Variants in AMBRA1 observed in about 807,000 individuals in gnomAD.
AMBRA1 encodes autophagy and beclin 1 regulator 1, also known as activating molecule in BECN1-regulated autophagy protein 1.
Under a neutral mutation model 125.4 loss-of-function variants are expected in AMBRA1, and 47 were observed. The observed-to-expected ratio is 0.37, with a 90% confidence interval of 0.30 to 0.48. AMBRA1 has a LOEUF of 0.48. Among genes scored for constraint, AMBRA1 ranks in the 20% least tolerant of loss-of-function variants. The probability of loss-of-function intolerance (pLI) is 0.99; values close to 1 mark genes in which losing one functional copy is unlikely to be tolerated. For synonymous variants in AMBRA1, 626 were observed against 655.5 expected, an observed-to-expected ratio of 0.95 and a Z score of 0.69; for missense variants, 1,331 against 1,693.4, an observed-to-expected ratio of 0.79 and a Z score of 3.76.
chr11:46,398,691 T>A (rs1285639625), intron 17 of AMBRA1, among the ~76,000 whole-genome samples: 2 of 152,084 alleles, frequency 1.3e-5, no homozygotes, highest in Non-Finnish European at 2.9e-5. Flanking sequence ...TTAACCAGGA[T>A]GTTCTTGATC....
At chr11:46,534,220 C>A (rs1306344603) in intron 7 of AMBRA1, among the ~76,000 whole-genome samples, 1 of 150,860 alleles carries the variant, frequency 6.6e-6, no homozygotes, top group Non-Finnish European at 1.5e-5. Flanking sequence ...CAGCCAGGTG[C>A]GGTGGCTCAG....
At chr11:46,568,521 C>T (rs938279454) in intron 1 of AMBRA1, among the ~76,000 whole-genome samples, 5 of 151,862 alleles carry the variant, frequency 3.3e-5, no homozygotes, top group African/African-American at 4.8e-5. Flanking sequence ...GCCTGTAATC[C>T]CACCACTTTG....
At chr11:46,434,340 AACAC>A (rs1947608179) in intron 13 of AMBRA1, among the ~76,000 whole-genome samples, 1 of 151,998 alleles carries the variant, frequency 6.6e-6, no homozygotes, top group East Asian at 1.9e-4. Context: ...AAAAACAAAA[AACAC>A]TTAAATTCAA....
At chr11:46,471,778 T>G (rs375334640) in intron 11 of AMBRA1, among the ~76,000 whole-genome samples, 1 of 151,500 alleles carries the variant, frequency 6.6e-6, no homozygotes, top group Non-Finnish European at 1.5e-5. Context: ...CAGGCACGCG[T>G]CACCATGCCC....
intron 11 of AMBRA1, among the ~76,000 whole-genome samples, chr11:46,472,429 A>G (rs1480240039): frequency 6.6e-6 from 1 of 152,198 alleles, no homozygotes; most frequent in East Asian, 1.9e-4. Context: ...GACTACAGAT[A>G]ATATCTTTTT....
rs552615050 is a variant in AMBRA1, at chr11:46,419,952, G to A, written c.2977-1900C>T. Among the ~76,000 whole-genome samples the A allele has an allele frequency of 3.6e-3, 471 of 129,844 alleles. 7 individuals carry two copies. The highest frequency in any genetic ancestry group is 0.013 in the African/African-American group (457 of 34,100). The allele number at this position is 129,844 out of a possible 152,430, so 85.2% of individuals were successfully genotyped here. A position where few individuals can be genotyped will look rare whatever the true frequency, so the allele number is the denominator to read the frequency against. On this transcript the variant is annotated intron_variant, in intron 14 of 17. Coordinates refer to ENST00000683756, the MANE Select transcript of AMBRA1 (RefSeq NM_001387011.1). ...GTACGTATCTGAAAGGCCTCTGACA[G>A]GACAGCCTCCAGAATGGAAAAGACA...
chr11:46,504,641 G>C (rs977977980), intron 9 of AMBRA1: 4 of 152,202 alleles, frequency 2.6e-5, no homozygotes, highest in Non-Finnish European at 5.9e-5. Context: ...GGCAGGAGAG[G>C]AAGCCTGCCC....
At position 46,428,048 on chromosome 11, in the gene AMBRA1, C is replaced by T. The variant is rs1363876200; in HGVS notation, c.2976+5426G>A. ...AAAAAAAAAGTAACAAATATGCTTT[C>T]CTTCCCTGCTGCCTGGGACCTGTTT... On this transcript the variant is annotated intron_variant, in intron 14 of 17. Coordinates refer to ENST00000683756, the MANE Select transcript of AMBRA1 (RefSeq NM_001387011.1). Among the ~76,000 whole-genome samples, 11 of 150,314 alleles carry T rather than the reference C, an allele frequency of 7.3e-5. No homozygotes were observed. In the East Asian group the frequency reaches 2.1e-3, roughly 29 times the overall value.
chr11:46,558,548 CAAAAAAA>C (rs58748629), intron 1 of AMBRA1, among the ~76,000 whole-genome samples: 170 of 38,734 alleles, frequency 4.4e-3, no homozygotes, highest in Admixed American at 0.012. Context: ...GACTCCCTCT[CAAAAAAA>C]AAAAAAAAAA....
At chr11:46,482,940 C>A (rs140828830) in intron 11 of AMBRA1, among the ~76,000 whole-genome samples, 2 of 148,404 alleles carry the variant, frequency 1.3e-5, no homozygotes, top group African/African-American at 5.0e-5. Flanking sequence ...ACCTGGGAGG[C>A]GGAGGTTGCA....
intron 7 of AMBRA1, among the ~76,000 whole-genome samples, 185 bp downstream of exon 7, chr11:46,541,760 T>C (rs1419919363): frequency 6.6e-6 from 1 of 152,228 alleles, no homozygotes; most frequent in Non-Finnish European, 1.5e-5. Context: ...AACTGACTCA[T>C]ACTGCTAGGC....
chr11:46,577,721 C>T (rs1591174082), intron 1 of AMBRA1, among the ~76,000 whole-genome samples: 2 of 151,988 alleles, frequency 1.3e-5, no homozygotes, highest in African/African-American at 2.4e-5. Flanking sequence ...GAGGCCGAGG[C>T]GGGCAGATCA....
intron 1 of AMBRA1, among the ~76,000 whole-genome samples, chr11:46,578,596 A>G (rs1293550723): frequency 1.3e-5 from 2 of 151,960 alleles, no homozygotes. Flanking sequence ...ATTAATAGAA[A>G]ACAATGGCGG....
chr11:46,586,832 A>C (rs1468282383), intron 1 of AMBRA1, among the ~76,000 whole-genome samples: 1 of 152,138 alleles, frequency 6.6e-6, no homozygotes, highest in Non-Finnish European at 1.5e-5. Flanking sequence ...GCTTGGCTCC[A>C]GGACTCAGTG....
intron 11 of AMBRA1, among the ~76,000 whole-genome samples, chr11:46,470,164 T>C (rs1465776262): frequency 6.6e-6 from 1 of 152,168 alleles, no homozygotes; most frequent in Non-Finnish European, 1.5e-5. Context: ...CATTCAAGAC[T>C]GGACACCATG....
In AMBRA1 at chr11:46,507,487, A is replaced by G. The variant is rs1461211926; in HGVS notation, c.2339+704T>C. 3.4e-3 allele frequency among the ~76,000 whole-genome samples: 513 copies of G among 152,122 alleles called. 1 individual carries two copies. The highest frequency in any genetic ancestry group is 0.01 in the South Asian group (50 of 4,820). The stretch of plus-strand genomic sequence containing the variant: ...GAGCGAGACTCCGTCTCAAAAAAAA[A>G]AAAAAAAAAGATTGGCTAGCTTAAA... On this transcript the variant is annotated intron_variant, in intron 9 of 17. Transcript: ENST00000683756.
Position 46,542,985 on chromosome 11 carries a change from T to C in AMBRA1, c.1032A>G (p.Val344=), listed in dbSNP as rs940249146. ...CCGGGGGATGGAAGGGCTCGGTCTG[T>C]ACAAAAGAAAAGGAAGGGGTAGTAG... ...ARATTPSFSF[V]QTEPFHPPEQ... The change falls in exon 7 of 18, where the codon GTA becomes GTG. Residue 344 remains valine (V), a synonymous_variant. Transcript: ENST00000683756. The surrounding 1 kb of genome is among the most constrained non-coding windows in gnomAD (Gnocchi z 5.9). The C allele has an allele frequency of 6.2e-7, 1 of 1,602,018 alleles. No homozygotes were observed. The highest frequency in any genetic ancestry group is 8.5e-7 in the Non-Finnish European group (1 of 1,179,892).
intron 7 of AMBRA1, among the ~76,000 whole-genome samples, chr11:46,525,641 C>T (rs924356671): frequency 3.3e-5 from 5 of 152,050 alleles, no homozygotes; most frequent in Non-Finnish European, 7.4e-5. Flanking sequence ...GTCCCAGCTA[C>T]TCTGGTGGCT....
intron 4 of AMBRA1, among the ~76,000 whole-genome samples, chr11:46,546,454 G>A (rs1056807299): frequency 1.3e-5 from 2 of 152,112 alleles, no homozygotes; most frequent in Non-Finnish European, 2.9e-5. Context: ...ATCATGATCG[G>A]AGTACAGGAA....
Sources: allele counts gnomAD v4.1 joint callset (sites outside exome capture counted in the v4.1 genomes callset), GRCh38; gene constraint gnomAD v4.1.1; non-coding constraint Gnocchi (gnomAD v3.1); transcripts MANE v1.5; gene names NCBI Gene and HGNC (gene_info 2026-07-23, HGNC 2026-07-21).